Variants in GAB2 observed in about 807,000 individuals in gnomAD.
GAB2 encodes the protein GRB2 associated binding protein 2.
Under a neutral mutation model 65.5 loss-of-function variants are expected in GAB2, and 26 were observed. The observed-to-expected ratio is 0.40, with a 90% CI of 0.29 to 0.55. GAB2 has a LOEUF of 0.55. Among genes scored for constraint, GAB2 ranks in the 20% least tolerant of loss-of-function variants. The pLI, the probability that GAB2 is intolerant of heterozygous loss-of-function variation, is 0.53. For missense variants in GAB2, 884 were observed against 875.8 expected (o/e 1.01, Z -0.12); for synonymous variants, 321 against 329.6 (o/e 0.97, Z 0.28).
chr11:78,361,560 A>G (rs1856435485), intron 1 of GAB2, among the ~76,000 whole-genome samples: 1 of 152,234 alleles, frequency 6.6e-6, no homozygotes, highest in African/African-American at 2.4e-5. Flanking sequence ...CAGTAAGAAC[A>G]TTAACCCTGC....
intron 1 of GAB2, among the ~76,000 whole-genome samples, chr11:78,363,586 C>CT (rs772252348): frequency 0.04 from 5,447 of 135,386 alleles, 304 homozygotes; most frequent in African/African-American, 0.13. Context: ...AATATATTTT[C>CT]TTTTTTTTTT....
chr11:78,417,666 C>A lies in GAB2; in HGVS notation c.55G>T (p.Glu19Ter). Residue 19 changes from glutamate to a stop codon, truncating the protein, a stop_gained, in exon 1 of 10, where the codon GAG (glutamate) becomes TAG (stop). Coordinates refer to ENST00000361507, the MANE Select transcript of GAB2 (RefSeq NM_080491.3). LOFTEE classifies it high-confidence loss of function. The stretch of plus-strand genomic sequence containing the variant: ...CTCACATAGCGCCTCAACTTCTTCT[C>A]GGGAGGCGATTTCCTCAGCCAGCCG... The part of the protein sequence containing the change: ...CTGWLRKSPP[E>*]KKLRRYAWKK... 1 of 1,389,878 alleles carries A rather than the reference C, an allele frequency of 7.2e-7. No individual in the cohort carries two copies. 86.1% of individuals were successfully genotyped at this position (1,389,878 alleles called of 1,614,324 possible). A position where few individuals can be genotyped will look rare whatever the true frequency, so the allele number is the denominator to read the frequency against.
At chr11:78,267,935 C>A (rs2134559302) in intron 2 of GAB2, among the ~76,000 whole-genome samples, 1 of 144,480 alleles carries the variant, frequency 6.9e-6, no homozygotes, top group South Asian at 2.3e-4. Flanking sequence ...GTTTTATGAA[C>A]ATGGATTGTA....
At chr11:78,220,867 C>T (rs773624373) in intron 8 of GAB2, among the ~76,000 whole-genome samples, 1 of 152,200 alleles carries the variant, frequency 6.6e-6, no homozygotes, top group Non-Finnish European at 1.5e-5. Context: ...GAAAGGAGCA[C>T]ATTTCCTTTA....
intron 1 of GAB2, among the ~76,000 whole-genome samples, chr11:78,370,980 G>A (rs1856564663): frequency 6.6e-6 from 1 of 152,180 alleles, no homozygotes; most frequent in South Asian, 2.1e-4. Flanking sequence ...TTAGGCACAT[G>A]AGTTGCTGTA....
In GAB2 at chr11:78,371,417, C is replaced by T. The variant is rs1328409628; in HGVS notation, c.75+46229G>A. ...ATGGTTATAGTGAAGATTAAATGAG[C>T]TAAGGTGGCTAAAAGAGATGTTAGG... On this transcript the variant is annotated intron_variant, in intron 1 of 9. Coordinates refer to ENST00000361507, the MANE Select transcript of GAB2 (RefSeq NM_080491.3). Among the ~76,000 whole-genome samples, 5 of 152,180 alleles carry T rather than the reference C, an allele frequency of 3.3e-5. No homozygotes were observed. The East Asian group carries it at 5.8e-4, about 18-fold the overall frequency.
At chr11:78,352,695 AG>A (rs1176235923) in intron 1 of GAB2, among the ~76,000 whole-genome samples, 1 of 152,086 alleles carries the variant, frequency 6.6e-6, no homozygotes, top group African/African-American at 2.4e-5. Flanking sequence ...AATGATCTAG[AG>A]GTGGGCATGT....
intron 1 of GAB2, among the ~76,000 whole-genome samples, chr11:78,385,118 C>CA (rs373070543): frequency 6.6e-6 from 1 of 152,054 alleles, no homozygotes; most frequent in Non-Finnish European, 1.5e-5. Flanking sequence ...TACAAAGTAT[C>CA]AAAAAAGACC....
At chr11:78,310,155 G>C (rs558015055) in intron 1 of GAB2, among the ~76,000 whole-genome samples, 140 of 152,004 alleles carry the variant, frequency 9.2e-4, no homozygotes, top group Non-Finnish European at 1.8e-3. Context: ...TGAGAAATGT[G>C]GGGGTGGAGG....
Position 78,336,326 on chromosome 11 carries a change from C to CAAAAAAAAAAAAA in GAB2, c.76-55438_76-55426dup, listed in dbSNP as rs71046966. Reference sequence around the variant, plus strand: ...CGGGCGACAGAGCGAGACTGTCTCTCAAAAAAAAAAAAAAAAAAAAAAAAA... The same window carrying CAAAAAAAAAAAAA: ...CGGGCGACAGAGCGAGACTGTCTCTCAAAAAAAAAAAAAAAAAAAAAAAAAAAAAAAAAAAAAA... On this transcript the variant is annotated intron_variant, in intron 1 of 9. Transcript: ENST00000361507. Among the ~76,000 whole-genome samples, 4 of 19,258 alleles carry CAAAAAAAAAAAAA rather than the reference C, an allele frequency of 2.1e-4. 1 individual carries two copies. Among genetic ancestry groups the CAAAAAAAAAAAAA allele is most frequent in the South Asian group, 4.6e-3 (1 of 216 alleles). The allele number at this position is 19,258 out of a possible 152,430, so 12.6% of individuals were successfully genotyped here. A position where few individuals can be genotyped will look rare whatever the true frequency, so the allele number is the denominator to read the frequency against.
At chr11:78,386,911 G>A (rs1856775311) in intron 1 of GAB2, among the ~76,000 whole-genome samples, 1 of 152,102 alleles carries the variant, frequency 6.6e-6, no homozygotes, top group Non-Finnish European at 1.5e-5. Context: ...ATTTACATCT[G>A]GTTTATAAAT....
chr11:78,357,807 G>A (rs1036819982), intron 1 of GAB2, among the ~76,000 whole-genome samples: 2 of 152,214 alleles, frequency 1.3e-5, no homozygotes, highest in Admixed American at 1.3e-4. Flanking sequence ...AGGTGCTGGA[G>A]AGGATGTGGA....
At chr11:78,376,695 A>C (rs1288927258) in intron 1 of GAB2, among the ~76,000 whole-genome samples, 1 of 152,194 alleles carries the variant, frequency 6.6e-6, no homozygotes, top group African/African-American at 2.4e-5. Flanking sequence ...TTCAAGTTCT[A>C]ATCTAGGCTC....
At chr11:78,263,659 C>G (rs1442833257) in intron 2 of GAB2, among the ~76,000 whole-genome samples, 1 of 148,106 alleles carries the variant, frequency 6.8e-6, no homozygotes, top group African/African-American at 2.5e-5. Flanking sequence ...AAAAAATCAA[C>G]AGTCTAATAT....
At chr11:78,340,056 TAAAAGA>T (rs917460769) in intron 1 of GAB2, among the ~76,000 whole-genome samples, 1 of 152,178 alleles carries the variant, frequency 6.6e-6, no homozygotes, top group Non-Finnish European at 1.5e-5. Flanking sequence ...AAATGGTAAA[TAAAAGA>T]ACAAGCAGTT....
rs930697541 is a variant in GAB2 at position 78,216,105 on chromosome 11, G to A, written c.*3167C>T. On this transcript the variant is annotated 3_prime_UTR_variant, in exon 10 of 10. Transcript: ENST00000361507. The stretch of plus-strand genomic sequence containing the variant: ...GAGGGAGTCTCCCCTTCAAGCAGCT[G>A]AGCACCAGCTGTGGATGGGACCTCA... 3 of 152,662 alleles carry A rather than the reference G, an allele frequency of 2.0e-5. No homozygotes were observed. The highest frequency in any genetic ancestry group is 6.5e-5 in the Admixed American group (1 of 15,288). 9.5% of individuals were successfully genotyped at this position (152,662 alleles called of 1,614,324 possible).
chr11:78,302,118 G>A (rs562314905), intron 1 of GAB2, among the ~76,000 whole-genome samples: 28 of 152,284 alleles, frequency 1.8e-4, no homozygotes, highest in Middle Eastern at 3.4e-3. Flanking sequence ...AACCCTTCTA[G>A]ACATTGGCTT....
intron 2 of GAB2, among the ~76,000 whole-genome samples, chr11:78,269,431 G>C (rs982839066): frequency 3.9e-5 from 6 of 152,146 alleles, no homozygotes; most frequent in Non-Finnish European, 8.8e-5. Flanking sequence ...TTTTCATGGT[G>C]GGGGAAGGAC....
In GAB2 at chr11:78,220,455, G is replaced by A; in HGVS notation, c.1762-11C>T. 1.9e-6 allele frequency: 3 copies of A among 1,557,310 alleles called. No homozygotes were observed. Among genetic ancestry groups the A allele is most frequent in the Non-Finnish European group, 2.6e-6 (3 of 1,145,400 alleles). The stretch of plus-strand genomic sequence containing the variant: ...AGACACTGGGTTTTGCTGTCACGAG[G>A]AGGAAAAAACTGTGAGTGACTGCAG... On this transcript the variant is annotated splice_polypyrimidine_tract_variant and intron_variant, in intron 8 of 9. Transcript: ENST00000361507.
Sources: gnomAD v4.1 joint callset for allele counts (sites outside exome capture counted in the v4.1 genomes callset) on GRCh38, gnomAD v4.1.1 for gene constraint, MANE v1.5 for transcripts, NCBI Gene and HGNC (gene_info 2026-07-23, HGNC 2026-07-21) for gene names.